Variants in DLGAP1 observed in about 807,000 individuals in gnomAD.
DLGAP1 encodes disks large-associated protein 1.
Under a neutral mutation model 90.8 loss-of-function variants are expected in DLGAP1, and 11 were observed. The observed-to-expected ratio is 0.12, with a 90% confidence interval of 0.08 to 0.20. DLGAP1 has a LOEUF of 0.20. DLGAP1 is among the 10% of genes least tolerant of loss of function. The probability of loss-of-function intolerance (pLI) is 1.00; values close to 1 mark genes in which losing one functional copy is unlikely to be tolerated. For missense variants in DLGAP1, 1,050 were observed against 1,333.8 expected (o/e 0.79, Z 3.31); for synonymous variants, 558 against 540.7 (o/e 1.03, Z -0.44).
At chr18:4,409,775 C>G (rs530376373) in intron 1 of DLGAP1, among the ~76,000 whole-genome samples, 1 of 150,858 alleles carries the variant, frequency 6.6e-6, no homozygotes, top group East Asian at 1.9e-4. Context: ...ATTTTTTTTT[C>G]TTACTGATTT....
intron 5 of DLGAP1, among the ~76,000 whole-genome samples, chr18:3,742,952 T>A (rs1294226012): frequency 2.1e-5 from 2 of 94,326 alleles, no homozygotes; most frequent in Admixed American, 9.8e-5. Context: ...CAATTTATCT[T>A]CCTTCCTTCC....
chr18:4,414,802 G>A (rs563143759), intron 1 of DLGAP1, among the ~76,000 whole-genome samples: 1 of 151,736 alleles, frequency 6.6e-6, no homozygotes, highest in African/African-American at 2.4e-5. Flanking sequence ...AGAATAGGTG[G>A]CACCTTCATA....
intron 1 of DLGAP1, among the ~76,000 whole-genome samples, chr18:4,154,252 G>A (rs557366200): frequency 7.6e-5 from 11 of 145,576 alleles, no homozygotes; most frequent in South Asian, 4.3e-4. Context: ...TTAATTTCTC[G>A]TAGAGATAGA....
At chr18:4,111,950 C>CATA (rs143378851) in intron 2 of DLGAP1, among the ~76,000 whole-genome samples, 2 of 150,748 alleles carry the variant, frequency 1.3e-5, no homozygotes, top group East Asian at 1.9e-4. Context: ...AATAAAATAA[C>CATA]ATAATAATAA....
intron 7 of DLGAP1, among the ~76,000 whole-genome samples, chr18:3,652,850 G>A (rs2059362777): frequency 2.0e-5 from 3 of 152,154 alleles, no homozygotes; most frequent in Non-Finnish European, 4.4e-5. Context: ...CTTATCACTG[G>A]CAAAGACTTG....
intron 4 of DLGAP1, among the ~76,000 whole-genome samples, chr18:3,828,098 T>C (rs1216029405): frequency 6.6e-6 from 1 of 152,180 alleles, no homozygotes; most frequent in Non-Finnish European, 1.5e-5. Context: ...TAGAAGAATA[T>C]TTCTTAAAAC....
chr18:3,518,644 C>T (rs891742736), intron 10 of DLGAP1, among the ~76,000 whole-genome samples: 2 of 152,090 alleles, frequency 1.3e-5, no homozygotes, highest in Admixed American at 6.5e-5. Flanking sequence ...TCACCAATTA[C>T]CAGCTATTGA....
intron 7 of DLGAP1, among the ~76,000 whole-genome samples, chr18:3,621,516 T>C (rs773556638): frequency 2.0e-5 from 3 of 152,212 alleles, no homozygotes; most frequent in Non-Finnish European, 4.4e-5. Context: ...CCTACTCTTG[T>C]GCCAATCAGA....
intron 3 of DLGAP1, among the ~76,000 whole-genome samples, chr18:3,952,089 G>A (rs1251781932): frequency 6.6e-6 from 1 of 152,136 alleles, no homozygotes; most frequent in Non-Finnish European, 1.5e-5. Flanking sequence ...AGATAGTTAG[G>A]AATGTTATAT....
intron 7 of DLGAP1, among the ~76,000 whole-genome samples, chr18:3,705,489 G>T (rs903755484): frequency 3.3e-5 from 5 of 151,582 alleles, no homozygotes; most frequent in Non-Finnish European, 7.4e-5. Flanking sequence ...TGATTTAGTC[G>T]CAGTATAATT....
intron 7 of DLGAP1, among the ~76,000 whole-genome samples, chr18:3,635,814 C>T (rs1278067841): frequency 6.6e-6 from 1 of 151,582 alleles, no homozygotes; most frequent in Non-Finnish European, 1.5e-5. Flanking sequence ...TCAATCTCCT[C>T]ATCCCATGGA....
In DLGAP1 at chr18:4,205,960, T is replaced by G. The variant is rs1401191697; in HGVS notation, c.-266-54673A>C. On this transcript the variant is annotated intron_variant, in intron 1 of 12. Transcript: ENST00000315677. ...CGGTGAGAAGGAAACTGTTTAGCGA[T>G]TCACCTGAAACTTTAACTATGGGGA... 3.7e-4 allele frequency among the ~76,000 whole-genome samples: 57 copies of G among 152,128 alleles called. 1 individual carries two copies. Among genetic ancestry groups the G allele is most frequent in the Non-Finnish European group, 1.5e-5 (1 of 68,016 alleles).
chr18:3,850,936 T>C (rs1408075844), intron 4 of DLGAP1, among the ~76,000 whole-genome samples: 1 of 152,194 alleles, frequency 6.6e-6, no homozygotes, highest in Non-Finnish European at 1.5e-5. Flanking sequence ...CAGGACTGGT[T>C]TTCACAGGAG....
intron 4 of DLGAP1, among the ~76,000 whole-genome samples, chr18:3,858,478 A>ATG (rs2069794690): frequency 3.0e-4 from 1 of 3,332 alleles, no homozygotes; most frequent in Admixed American, 3.0e-3. Context: ...AAAGGGAAAC[A>ATG]TATATATATA....
intron 7 of DLGAP1, chr18:3,597,298 A>G (rs2056638494): frequency 2.1e-6 from 1 of 480,930 alleles, no homozygotes; most frequent in Non-Finnish European, 4.1e-6. Flanking sequence ...ATGGAATCAC[A>G]TGACGCAACA....
At chr18:3,524,905 G>A (rs1398034976) in intron 10 of DLGAP1, among the ~76,000 whole-genome samples, 1 of 152,120 alleles carries the variant, frequency 6.6e-6, no homozygotes, top group Non-Finnish European at 1.5e-5. Context: ...TCAACAAAAC[G>A]TCTCCATAGA....
intron 11 of DLGAP1, among the ~76,000 whole-genome samples, chr18:3,506,251 C>A (rs1311685671): frequency 6.7e-6 from 1 of 150,280 alleles, no homozygotes; most frequent in Non-Finnish European, 1.5e-5. Flanking sequence ...TGGTGGCTCA[C>A]GCCTGTAATC....
intron 2 of DLGAP1, among the ~76,000 whole-genome samples, chr18:4,027,372 G>A (rs1020170570): frequency 2.0e-5 from 3 of 151,706 alleles, no homozygotes; most frequent in African/African-American, 4.8e-5. Flanking sequence ...TGGGCATGGT[G>A]GTGCATGCTT....
At chr18:4,355,019 T>G (rs993435724) in intron 1 of DLGAP1, among the ~76,000 whole-genome samples, 1 of 151,582 alleles carries the variant, frequency 6.6e-6, no homozygotes, top group African/African-American at 2.4e-5. Flanking sequence ...ATTCACACAT[T>G]GCTAGCGAAA....
Sources: allele counts gnomAD v4.1 joint callset (sites outside exome capture counted in the v4.1 genomes callset), GRCh38; gene constraint gnomAD v4.1.1; transcripts MANE v1.5; gene names NCBI Gene and HGNC (gene_info 2026-07-23, HGNC 2026-07-21).